Variants in INPP4B observed in about 807,000 individuals in gnomAD.
The protein encoded by INPP4B is inositol polyphosphate 4-phosphatase type II.
Under a neutral mutation model 122.5 loss-of-function variants are expected in INPP4B, and 55 were observed. That is an observed-to-expected ratio of 0.45 (90% CI 0.36 to 0.56). The LOEUF is 0.56. Among genes scored for constraint, INPP4B ranks in the 20% least tolerant of loss-of-function variants. The pLI is 0.00. For synonymous variants in INPP4B, 403 were observed against 388.7 expected (o/e 1.04, Z -0.43); for missense variants, 1,000 against 1,097.7 (o/e 0.91, Z 1.26).
At chr4:142,621,891 C>G (rs903603669) in intron 2 of INPP4B, among the ~76,000 whole-genome samples, 1 of 151,790 alleles carries the variant, frequency 6.6e-6, no homozygotes, top group Admixed American at 6.6e-5. Context: ...GTATAACTTA[C>G]TTGTCTGAAG....
chr4:142,138,630 G>C (rs1806016695), intron 18 of INPP4B, among the ~76,000 whole-genome samples: 1 of 152,074 alleles, frequency 6.6e-6, no homozygotes. Context: ...TTGAATCCTT[G>C]CTTGGATGCC....
chr4:142,178,545 A>T (rs2152967668), intron 15 of INPP4B, among the ~76,000 whole-genome samples: 2 of 151,822 alleles, frequency 1.3e-5, no homozygotes, highest in South Asian at 4.2e-4. Flanking sequence ...TTCCCTTCCC[A>T]CTCCATTGCT....
intron 21 of INPP4B, among the ~76,000 whole-genome samples, chr4:142,114,374 C>G (rs1027432354): frequency 1.3e-5 from 2 of 152,012 alleles, no homozygotes; most frequent in African/African-American, 4.8e-5. Context: ...GACTGCCAAA[C>G]TGTTTTCAAA....
chr4:142,187,970 A>G (rs1174369985), intron 15 of INPP4B, among the ~76,000 whole-genome samples: 1 of 152,122 alleles, frequency 6.6e-6, no homozygotes, highest in Non-Finnish European at 1.5e-5. Flanking sequence ...AGAAAAAAAT[A>G]TAAGGATGTA....
chr4:142,367,586 G>A lies in INPP4B; in HGVS notation c.372+35352C>T, dbSNP rs138779139. On this transcript the variant is annotated intron_variant, in intron 7 of 25. Transcript: ENST00000262992. The stretch of plus-strand genomic sequence containing the variant: ...TTAATGAATTTGCCCAGGGTCACAG[G>A]TTTAGTAGCTCTCAGTGCCAAGACT... 4.0e-3 allele frequency among the ~76,000 whole-genome samples: 606 copies of A among 152,116 alleles called. 4 individuals are homozygous for A. The highest frequency in any genetic ancestry group is 3.9e-3 in the Non-Finnish European group (266 of 67,996).
intron 2 of INPP4B, among the ~76,000 whole-genome samples, chr4:142,604,270 T>C (rs1740721065): frequency 6.6e-6 from 1 of 152,128 alleles, no homozygotes; most frequent in Non-Finnish European, 1.5e-5. Flanking sequence ...ATAGCTAACA[T>C]CATGCTGAAT....
intron 2 of INPP4B, among the ~76,000 whole-genome samples, chr4:142,716,273 A>C (rs1365352789): frequency 6.6e-6 from 1 of 152,208 alleles, no homozygotes; most frequent in Non-Finnish European, 1.5e-5. Flanking sequence ...TTAGTTCTCA[A>C]ATAAAAGAAA....
intron 12 of INPP4B, among the ~76,000 whole-genome samples, chr4:142,218,488 T>C (rs1346065039): frequency 6.6e-6 from 1 of 152,108 alleles, no homozygotes. Context: ...TATCTGAAAA[T>C]AATAGATAAT....
chr4:142,557,882 A>T (rs11939291), intron 2 of INPP4B, among the ~76,000 whole-genome samples: 38,001 of 152,048 alleles, frequency 0.25, 5,920 homozygotes, highest in East Asian at 0.77. Context: ...TTCACCTATT[A>T]CCCCTTCTAC....
chr4:142,427,952 AT>A (rs1215778762), intron 5 of INPP4B, among the ~76,000 whole-genome samples: 2 of 152,032 alleles, frequency 1.3e-5, no homozygotes, highest in Admixed American at 6.6e-5. Context: ...GGAGAAAAAA[AT>A]AATAGCCTCA....
chr4:142,306,146 G>T (rs781500774), intron 8 of INPP4B, among the ~76,000 whole-genome samples: 9 of 150,986 alleles, frequency 6.0e-5, no homozygotes, highest in Non-Finnish European at 1.2e-4. Flanking sequence ...TGCTTTTTTA[G>T]TCTATTATAT....
intron 25 of INPP4B, among the ~76,000 whole-genome samples, chr4:142,054,329 T>C (rs1247743933): frequency 1.3e-5 from 2 of 151,984 alleles, no homozygotes; most frequent in Non-Finnish European, 2.9e-5. Context: ...CTGAACACTT[T>C]TATGTGCATG....
intron 1 of INPP4B, among the ~76,000 whole-genome samples, chr4:142,737,706 C>A (rs1316975966): frequency 6.6e-6 from 1 of 152,144 alleles, no homozygotes. Context: ...TTTTTACAAT[C>A]TACTCATCTG....
intron 1 of INPP4B, among the ~76,000 whole-genome samples, chr4:142,823,727 C>T (rs575929605): frequency 1.6e-4 from 25 of 152,208 alleles, no homozygotes; most frequent in African/African-American, 5.3e-4. Context: ...GGAATGATAG[C>T]GTTTTGATAA....
intron 7 of INPP4B, among the ~76,000 whole-genome samples, chr4:142,331,568 G>T (rs1007696405): frequency 4.6e-5 from 7 of 152,186 alleles, no homozygotes; most frequent in Non-Finnish European, 1.0e-4. Flanking sequence ...TGAAATCAAT[G>T]ATTTTAATTA....
chr4:142,716,132 G>A (rs1763726652), intron 2 of INPP4B, among the ~76,000 whole-genome samples: 1 of 152,160 alleles, frequency 6.6e-6, no homozygotes, highest in Non-Finnish European at 1.5e-5. Context: ...ACCCACTCAG[G>A]TTCAAGGGAG....
chr4:142,602,426 C>T (rs1740229097), intron 2 of INPP4B, among the ~76,000 whole-genome samples: 1 of 152,082 alleles, frequency 6.6e-6, no homozygotes, highest in Non-Finnish European at 1.5e-5. Flanking sequence ...GGATTCAATG[C>T]TATTCCCACG....
At chr4:142,053,426 T>C (rs1755735143) in intron 25 of INPP4B, among the ~76,000 whole-genome samples, 1 of 152,222 alleles carries the variant, frequency 6.6e-6, no homozygotes, top group African/African-American at 2.4e-5. Flanking sequence ...GATGGTAACA[T>C]TGTATCATTA....
chr4:142,561,577 C>A (rs536543850), intron 2 of INPP4B, among the ~76,000 whole-genome samples: 1 of 152,248 alleles, frequency 6.6e-6, no homozygotes, highest in Admixed American at 6.5e-5. Context: ...AGCCACCACA[C>A]CTGGCTAATA....
Sources: allele counts gnomAD v4.1 joint callset (sites outside exome capture counted in the v4.1 genomes callset), GRCh38; gene constraint gnomAD v4.1.1; transcripts MANE v1.5; gene names NCBI Gene and HGNC (gene_info 2026-07-23, HGNC 2026-07-21).